ERBB4: variants seen among roughly 807,000 people sequenced by gnomAD.
ERBB4 encodes the protein receptor tyrosine-protein kinase erbB-4.
Under a neutral mutation model 158.0 loss-of-function variants are expected in ERBB4, and 42 were observed. The observed-to-expected ratio is 0.27, with a 90% CI of 0.21 to 0.34. The LOEUF is 0.34. Ranked by LOEUF, ERBB4 falls within the 10% of genes least tolerant of loss-of-function variation. The pLI, the probability that ERBB4 is intolerant of heterozygous loss-of-function variation, is 1.00. For synonymous variants in ERBB4, 583 were observed against 558.7 expected, an observed-to-expected ratio of 1.04 and a Z score of -0.61; for missense variants, 1,333 against 1,624.1, an observed-to-expected ratio of 0.82 and a Z score of 3.08.
At chr2:212,279,691 C>T (rs1195475629) in intron 1 of ERBB4, among the ~76,000 whole-genome samples, 1 of 151,334 alleles carries the variant, frequency 6.6e-6, no homozygotes, top group African/African-American at 2.4e-5. Context: ...AAAAATATGC[C>T]AATATGAGTC....
rs1485802450 is a variant in ERBB4, at chr2:211,892,507, A to C, written c.421+54923T>G. On this transcript the variant is annotated intron_variant, in intron 3 of 27. Transcript: ENST00000342788. ...CTTTGAAAACTGGCACAAGACAGGG[A>C]TGCCCTCTCTCACCACTCCAATTCA... is the stretch of plus-strand genomic sequence containing the variant. Among the ~76,000 whole-genome samples, 4 of 134,640 alleles carry C rather than the reference A, an allele frequency of 3.0e-5. 1 individual carries two copies. Among genetic ancestry groups the C allele is most frequent in the African/African-American group, 6.0e-5 (2 of 33,442 alleles). 88.3% of individuals were successfully genotyped at this position (134,640 alleles called of 152,430 possible).
At position 212,489,204 on chromosome 2, in the gene ERBB4, G is replaced by A. The variant is rs114066166; in HGVS notation, c.82+49245C>T. ...CTTATATCCCACACGTAGATCTGACGCCCATGAAGATATTTTCTTAAGAGT... is the reference window on the plus strand; with the variant it reads ...CTTATATCCCACACGTAGATCTGACACCCATGAAGATATTTTCTTAAGAGT... On this transcript the variant is annotated intron_variant, in intron 1 of 27. Transcript: ENST00000342788. Among the ~76,000 whole-genome samples, 483 of 151,882 alleles carry A rather than the reference G, an allele frequency of 3.2e-3. 2 individuals are homozygous for A. The highest frequency in any genetic ancestry group is 9.9e-3 in the African/African-American group (409 of 41,448).
intron 2 of ERBB4, among the ~76,000 whole-genome samples, chr2:212,036,915 G>A (rs570501036): frequency 6.6e-6 from 1 of 152,230 alleles, no homozygotes; most frequent in East Asian, 1.9e-4. Flanking sequence ...AAAGTTCCCC[G>A]AATTGAAAAG....
chr2:212,099,951 C>A (rs979683015), intron 2 of ERBB4, among the ~76,000 whole-genome samples: 5 of 152,066 alleles, frequency 3.3e-5, no homozygotes, highest in African/African-American at 4.8e-5. Context: ...TCTAGCAAAT[C>A]TATGCATGCA....
chr2:211,751,156 C>T (rs2075121057), intron 4 of ERBB4, among the ~76,000 whole-genome samples: 1 of 152,082 alleles, frequency 6.6e-6, no homozygotes, highest in Non-Finnish European at 1.5e-5. Flanking sequence ...TATATTTTTA[C>T]AAACACATGA....
At chr2:212,410,758 AAG>A (rs1400041769) in intron 1 of ERBB4, among the ~76,000 whole-genome samples, 1 of 152,098 alleles carries the variant, frequency 6.6e-6, no homozygotes, top group Non-Finnish European at 1.5e-5. Flanking sequence ...TGTTTCATTT[AAG>A]ATTATTTAAA....
intron 20 of ERBB4, among the ~76,000 whole-genome samples, chr2:211,521,365 C>T (rs1347481156): frequency 4.6e-5 from 7 of 152,072 alleles, no homozygotes; most frequent in African/African-American, 1.4e-4. Context: ...TAGACCAAAG[C>T]CTAATCAATA....
intron 20 of ERBB4, among the ~76,000 whole-genome samples, chr2:211,512,711 C>T (rs1171510872): frequency 1.3e-5 from 2 of 152,010 alleles, no homozygotes; most frequent in Non-Finnish European, 2.9e-5. Flanking sequence ...ACTCAAAGTA[C>T]AATTCTTTAA....
intron 2 of ERBB4, among the ~76,000 whole-genome samples, chr2:212,010,852 T>G (rs1289485353): frequency 2.6e-5 from 4 of 152,010 alleles, no homozygotes; most frequent in Admixed American, 1.3e-4. Context: ...ATGCATTCCT[T>G]TCTCAGGGTA....
intron 1 of ERBB4, among the ~76,000 whole-genome samples, chr2:212,318,569 A>G (rs1460808916): frequency 6.6e-6 from 1 of 151,590 alleles, no homozygotes; most frequent in Non-Finnish European, 1.5e-5. Flanking sequence ...GTGTAATAAT[A>G]TATCCTCCTT....
intron 12 of ERBB4, among the ~76,000 whole-genome samples, chr2:211,693,170 T>C (rs1266549001): frequency 6.6e-6 from 1 of 152,014 alleles, no homozygotes; most frequent in Admixed American, 6.6e-5. Flanking sequence ...TTTTAGAAAG[T>C]CTTAAGGTTT....
At chr2:212,090,969 C>T (rs543220126) in intron 2 of ERBB4, among the ~76,000 whole-genome samples, 23 of 152,164 alleles carry the variant, frequency 1.5e-4, no homozygotes, top group African/African-American at 4.6e-4. Flanking sequence ...ATCTATCTTA[C>T]GTTGTGTTGG....
chr2:211,441,888 T>C (rs1490457995), intron 20 of ERBB4, among the ~76,000 whole-genome samples: 1 of 152,146 alleles, frequency 6.6e-6, no homozygotes, highest in East Asian at 1.9e-4. Context: ...TAGATACTCA[T>C]TCCATAAAGG....
intron 20 of ERBB4, among the ~76,000 whole-genome samples, chr2:211,454,908 G>A (rs2064341232): frequency 1.3e-5 from 2 of 152,208 alleles, no homozygotes; most frequent in African/African-American, 2.4e-5. Flanking sequence ...GTAAGGAGCC[G>A]GCTGGCTGGC....
chr2:212,181,902 T>A lies in ERBB4; in HGVS notation c.83-56999A>T, dbSNP rs558963333. Among the ~76,000 whole-genome samples, 37 of 151,802 alleles carry A rather than the reference T, an allele frequency of 2.4e-4. 1 individual carries two copies. Among genetic ancestry groups the A allele is most frequent in the South Asian group, 1.2e-3 (6 of 4,824 alleles). On this transcript the variant is annotated intron_variant, in intron 1 of 27. Coordinates refer to ENST00000342788, the MANE Select transcript of ERBB4 (RefSeq NM_005235.3). ...TTCAAAGAAAAACACGGTTAAAATATCTGTTCCCTCCACATGGGTTAGAAA... is the reference window on the plus strand; with the variant it reads ...TTCAAAGAAAAACACGGTTAAAATAACTGTTCCCTCCACATGGGTTAGAAA...
intron 3 of ERBB4, among the ~76,000 whole-genome samples, chr2:211,867,024 C>CAAAAAAAAAAAAAAAAAA (rs386392490): frequency 1.6e-5 from 1 of 60,630 alleles, no homozygotes; most frequent in Non-Finnish European, 2.9e-5. Context: ...TCCTTAAAAC[C>CAAAAAAAAAAAAAAAAAA]AAAAAAAAAA....
intron 3 of ERBB4, among the ~76,000 whole-genome samples, chr2:211,889,350 A>C (rs1416239327): frequency 1.4e-5 from 2 of 145,904 alleles, no homozygotes; most frequent in African/African-American, 2.7e-5. Context: ...TCTCTGTTAG[A>C]AGGAAAACTA....
chr2:212,300,737 G>A (rs1002098096), intron 1 of ERBB4, among the ~76,000 whole-genome samples: 6 of 151,542 alleles, frequency 4.0e-5, no homozygotes, highest in African/African-American at 1.4e-4. Context: ...TCGATTTTTA[G>A]ATGAACCATT....
In ERBB4 at chr2:211,538,765, G is replaced by A. The variant is rs188504213; in HGVS notation, c.2487+23138C>T. On this transcript the variant is annotated intron_variant, in intron 20 of 27. Coordinates refer to ENST00000342788, the MANE Select transcript of ERBB4 (RefSeq NM_005235.3). Reference sequence around the variant, plus strand: ...TTAATATTGGGTTCGTAGAATTGATGGTATACATAGATGTGACATCCAGGG... The same window carrying A: ...TTAATATTGGGTTCGTAGAATTGATAGTATACATAGATGTGACATCCAGGG... Among the ~76,000 whole-genome samples, 476 of 151,840 alleles carry A rather than the reference G, an allele frequency of 3.1e-3. 1 individual carries two copies. The highest frequency in any genetic ancestry group is 0.011 in the African/African-American group (457 of 41,498).
Sources: allele counts gnomAD v4.1 joint callset (sites outside exome capture counted in the v4.1 genomes callset), GRCh38; gene constraint gnomAD v4.1.1; transcripts MANE v1.5; gene names NCBI Gene and HGNC (gene_info 2026-07-23, HGNC 2026-07-21).